Variants in SRP19 observed in about 807,000 individuals in gnomAD.
SRP19 encodes the protein signal recognition particle 19 kDa protein.
A neutral mutation model predicts 22.4 loss-of-function variants in SRP19; 11 were observed. That is an observed-to-expected ratio of 0.49 (90% CI 0.31 to 0.81). The LOEUF is 0.81. Among genes scored for constraint, SRP19 ranks in the 40% least tolerant of loss-of-function variants. The pLI, the probability that SRP19 is intolerant of heterozygous loss-of-function variation, is 0.05. For missense variants in SRP19, 168 were observed against 175.9 expected (o/e 0.96, Z 0.25); for synonymous variants, 61 against 57.6 (o/e 1.06, Z -0.27).
At chr5:112,862,663 C>T in intron 2 of SRP19, 80 bp downstream of exon 2, 1 of 1,233,056 alleles carries the variant, frequency 8.1e-7, no homozygotes, top group Non-Finnish European at 1.2e-6. Context: ...CTTGTTAGAG[C>T]CGCAGGGGGT....
downstream of SRP19, chr5:112,893,502 G>T: frequency 2.6e-5 from 4 of 155,874 alleles, no homozygotes; most frequent in South Asian, 1.9e-4. Flanking sequence ...TAATCTCCAT[G>T]TTATGATTTT....
downstream of SRP19, chr5:112,896,021 G>C (rs1007101011): frequency 6.6e-6 from 1 of 152,506 alleles, no homozygotes; most frequent in African/African-American, 2.4e-5. Flanking sequence ...GTCACCATGT[G>C]ATTTTCCCCC....
chr5:112,861,624 A>G (rs1250663988), intron 1 of SRP19, among the ~76,000 whole-genome samples: 2 of 152,176 alleles, frequency 1.3e-5, no homozygotes, highest in Non-Finnish European at 2.9e-5. Context: ...TGAAATTCCG[A>G]CCATAGGTAG....
At position 112,886,920 on chromosome 5, in the gene SRP19, T is replaced by C; in HGVS notation, c.302-4683T>C. ...GTAATGTTGGCATTTGGCTGAGGGGTGGTGATAAGACAAGAAGGCCAGGAA... is the reference window on the plus strand; with the variant it reads ...GTAATGTTGGCATTTGGCTGAGGGGCGGTGATAAGACAAGAAGGCCAGGAA... On this transcript the variant is annotated intron_variant, in intron 4 of 4. Coordinates refer to the SRP19 transcript ENST00000391338. 3.5e-6 allele frequency: 3 copies of C among 853,884 alleles called. No homozygotes were observed. In the East Asian group the frequency reaches 7.6e-5, roughly 22 times the overall value. 52.9% of individuals were successfully genotyped at this position (853,884 alleles called of 1,614,324 possible).
downstream of SRP19, among the ~76,000 whole-genome samples, chr5:112,870,436 A>G (rs1767731715): frequency 6.6e-6 from 1 of 152,056 alleles, no homozygotes; most frequent in Non-Finnish European, 1.5e-5. Context: ...AGCCGTGATC[A>G]TGCTATTCCA....
chr5:112,891,490 T>C, intron 4 of SRP19: 3 of 1,052,468 alleles, frequency 2.9e-6, no homozygotes, highest in Non-Finnish European at 4.0e-6. Flanking sequence ...ATGAAAGTAA[T>C]TTGTAATATA....
downstream of SRP19, chr5:112,896,723 C>A (rs1350918427): frequency 6.6e-6 from 1 of 151,360 alleles, no homozygotes; most frequent in African/African-American, 2.4e-5. Flanking sequence ...ATCACAAGGT[C>A]AGGAGTTGAG....
In SRP19 at chr5:112,868,559, C is replaced by A; in HGVS notation, c.*1022C>A. ...GGGATTACAGGCATGTGCCACCACA[C>A]CCGGCTAATTTTGTATTTTTAGTAG... On this transcript the variant is annotated 3_prime_UTR_variant, in exon 5 of 5. Coordinates refer to ENST00000505459, the MANE Select transcript of SRP19 (RefSeq NM_003135.3). The A allele has an allele frequency of 5.1e-6, 1 of 196,590 alleles. No individual in the cohort carries two copies. The highest frequency in any genetic ancestry group is 9.2e-6 in the Non-Finnish European group (1 of 108,374). 12.2% of individuals were successfully genotyped at this position (196,590 alleles called of 1,614,324 possible).
chr5:112,882,132 C>A (rs12152991), intron 4 of SRP19: 2 of 153,514 alleles, frequency 1.3e-5, no homozygotes. Flanking sequence ...TGATGATCTT[C>A]TAATATCCTG....
At chr5:112,887,252 T>C in intron 4 of SRP19, 1 of 1,366,030 alleles carries the variant, frequency 7.3e-7, no homozygotes, top group Non-Finnish European at 9.7e-7. Flanking sequence ...ATACACACTG[T>C]CTTTCACTAC....
chr5:112,865,284 G>T lies in SRP19; in HGVS notation c.301+552G>T, dbSNP rs149066799. ...GGAAACACTCATTCTTAAGAGAGTAGTCACCTAATGGTGAGCGGGGTAGAG... is the reference window on the plus strand; with the variant it reads ...GGAAACACTCATTCTTAAGAGAGTATTCACCTAATGGTGAGCGGGGTAGAG... On this transcript the variant is annotated intron_variant, in intron 4 of 4. Transcript: ENST00000505459. The T allele has an allele frequency of 4.3e-3, 660 of 152,374 alleles. 2 individuals are homozygous for T. The highest frequency in any genetic ancestry group is 0.013 in the South Asian group (61 of 4,830). The allele number at this position is 152,374 out of a possible 1,614,324, so 9.4% of individuals were successfully genotyped here. A position where few individuals can be genotyped will look rare whatever the true frequency, so the allele number is the denominator to read the frequency against.
At chr5:112,867,326 A>C in intron 4 of SRP19, 78 bp from the exon 5 acceptor site, 1 of 1,501,638 alleles carries the variant, frequency 6.7e-7, no homozygotes, top group Non-Finnish European at 9.0e-7. Flanking sequence ...AGTTTCTTAC[A>C]CTTTGTGATA....
rs1260462536 is a variant in SRP19, at chr5:112,868,157, AT to A, written c.*624del. 4 of 985,284 alleles carry A rather than the reference AT, an allele frequency of 4.1e-6. No homozygotes were observed. Among genetic ancestry groups the A allele is most frequent in the Admixed American group, 6.1e-5 (1 of 16,262 alleles). 61.0% of individuals were successfully genotyped at this position (985,284 alleles called of 1,614,324 possible). A position where few individuals can be genotyped will look rare whatever the true frequency, so the allele number is the denominator to read the frequency against. On this transcript the variant is annotated 3_prime_UTR_variant, in exon 5 of 5. Coordinates refer to ENST00000505459, the MANE Select transcript of SRP19 (RefSeq NM_003135.3). ...TGGATTTTAAGCTTTAAATTTGCTT[AT>A]TTTGTAGGTTTAAGAACATGATTTT...
In SRP19 at chr5:112,867,704, A is replaced by C; in HGVS notation, c.*167A>C. On this transcript the variant is annotated 3_prime_UTR_variant, in exon 5 of 5. Transcript: ENST00000505459. ...GGAGTTGACAGTGAAACAAATTTAC[A>C]TCAGAAGTTTGCATCTCGCGTATAT... 7.4e-7 allele frequency: 1 copy of C among 1,352,262 alleles called. No individual in the cohort carries two copies. Among genetic ancestry groups the C allele is most frequent in the Non-Finnish European group, 9.5e-7 (1 of 1,049,866 alleles). The allele number at this position is 1,352,262 out of a possible 1,614,324, so 83.8% of individuals were successfully genotyped here. A position where few individuals can be genotyped will look rare whatever the true frequency, so the allele number is the denominator to read the frequency against.
intron 2 of SRP19, among the ~76,000 whole-genome samples, chr5:112,863,536 G>A (rs923768610): frequency 6.6e-6 from 1 of 152,160 alleles, no homozygotes; most frequent in African/African-American, 2.4e-5. Flanking sequence ...TCCAAGCATT[G>A]CTAGATGTCT....
At chr5:112,882,869 C>T (rs922294927) in intron 4 of SRP19, among the ~76,000 whole-genome samples, 42 of 152,192 alleles carry the variant, frequency 2.8e-4, no homozygotes, top group African/African-American at 9.7e-4. Context: ...TCCTACTTTA[C>T]TGAGAAATAT....
At chr5:112,881,356 C>T (rs1045304552) in intron 4 of SRP19, among the ~76,000 whole-genome samples, 1 of 152,098 alleles carries the variant, frequency 6.6e-6, no homozygotes, top group African/African-American at 2.4e-5. Context: ...GGTCAGGCAA[C>T]CTCACAACTC....
At chr5:112,876,216 CT>C (rs2150030942) in intron 4 of SRP19, among the ~76,000 whole-genome samples, 1 of 152,220 alleles carries the variant, frequency 6.6e-6, no homozygotes, top group African/African-American at 2.4e-5. Flanking sequence ...TAGGACAAGT[CT>C]TTTCCTCTGG....
At chr5:112,889,667 A>G (rs990757581) in intron 4 of SRP19, among the ~76,000 whole-genome samples, 2 of 150,558 alleles carry the variant, frequency 1.3e-5, no homozygotes, top group East Asian at 4.0e-4. Flanking sequence ...CAAAATCTGC[A>G]ATCATAGATT....
Sources: allele counts gnomAD v4.1 joint callset (sites outside exome capture counted in the v4.1 genomes callset), GRCh38; gene constraint gnomAD v4.1.1; transcripts MANE v1.5; gene names NCBI Gene and HGNC (gene_info 2026-07-23, HGNC 2026-07-21).